The following NME7 variants were observed in gnomAD, a reference collection of about 807,000 sequenced individuals.
The protein encoded by NME7 is nucleoside diphosphate kinase 7.
A neutral mutation model predicts 49.1 loss-of-function variants in NME7; 41 were observed. The ratio of observed to expected loss-of-function variants is 0.83; its 90% CI spans 0.65 to 1.08. The LOEUF (loss-of-function observed/expected upper bound fraction) is 1.08, where lower values mean the gene tolerates loss of function less well. NME7 is among the 50% of genes least tolerant of loss of function. NME7 has a pLI of 0.00. For missense variants in NME7, 423 were observed against 463.4 expected (o/e 0.91, Z 0.80); for synonymous variants, 139 against 150.6 (o/e 0.92, Z 0.56).
rs569567741 is a variant in NME7 at position 169,309,538 on chromosome 1, G to T, written c.389+432C>A. On this transcript the variant is annotated intron_variant, in intron 4 of 11. Transcript: ENST00000367811. ...GCGATTCACCATCAATTGTGAAACT[G>T]GTGGAAGTTCACCACCAATTTCCAG... 9.7e-4 allele frequency among the ~76,000 whole-genome samples: 148 copies of T among 152,258 alleles called. 1 individual carries two copies. Among genetic ancestry groups the T allele is most frequent in the African/African-American group, 3.5e-3 (145 of 41,548 alleles).
At chr1:169,252,274 C>G (rs865846189) in intron 7 of NME7, among the ~76,000 whole-genome samples, 147 of 151,858 alleles carry the variant, frequency 9.7e-4, no homozygotes, top group South Asian at 3.8e-3. Context: ...GAGATGGTAT[C>G]TCATTGTGGT....
chr1:169,162,353 T>A (rs1271803875), intron 11 of NME7, among the ~76,000 whole-genome samples: 8 of 152,084 alleles, frequency 5.3e-5, no homozygotes. Context: ...CTTCTTAAAA[T>A]TTTATAATCA....
At chr1:169,243,619 G>C (rs1384054702) in intron 7 of NME7, among the ~76,000 whole-genome samples, 23 of 152,168 alleles carry the variant, frequency 1.5e-4, no homozygotes, top group Non-Finnish European at 1.5e-5. Context: ...AGAAGCTCCA[G>C]AGAGTTCTCT....
At chr1:169,175,779 G>C (rs1257232503) in intron 10 of NME7, among the ~76,000 whole-genome samples, 2 of 152,106 alleles carry the variant, frequency 1.3e-5, no homozygotes, top group African/African-American at 4.8e-5. Context: ...TGTTAGCAGT[G>C]ATATACATAT....
chr1:169,318,418 G>C (rs1651733126), intron 3 of NME7, among the ~76,000 whole-genome samples: 1 of 152,122 alleles, frequency 6.6e-6, no homozygotes, highest in Admixed American at 6.5e-5. Flanking sequence ...AGAGAAATAA[G>C]AGAGATCTAT....
intron 7 of NME7, among the ~76,000 whole-genome samples, chr1:169,250,979 T>C (rs947386243): frequency 2.0e-5 from 3 of 152,090 alleles, no homozygotes; most frequent in Non-Finnish European, 4.4e-5. Context: ...CGGCAAATAT[T>C]TGTCAGGTCC....
At chr1:169,354,086 T>A (rs994906487) in intron 1 of NME7, among the ~76,000 whole-genome samples, 2 of 152,134 alleles carry the variant, frequency 1.3e-5, no homozygotes, top group African/African-American at 4.8e-5. Context: ...AACAAAGAGT[T>A]ATCTGCACTC....
chr1:169,327,530 T>C (rs1331961763), intron 1 of NME7, among the ~76,000 whole-genome samples: 2 of 152,176 alleles, frequency 1.3e-5, no homozygotes, highest in Admixed American at 6.5e-5. Context: ...CCAGAAGCCT[T>C]AGTATCTTAA....
intron 7 of NME7, among the ~76,000 whole-genome samples, chr1:169,271,521 T>C (rs573524575): frequency 1.5e-5 from 2 of 133,574 alleles, no homozygotes; most frequent in East Asian, 4.0e-4. Flanking sequence ...ACGACTGCAT[T>C]GAAAGCTCTT....
chr1:169,323,648 T>C (rs891724193), intron 2 of NME7, among the ~76,000 whole-genome samples: 3 of 152,114 alleles, frequency 2.0e-5, no homozygotes, highest in African/African-American at 7.2e-5. Context: ...AAAGATCTAC[T>C]TGTTAAAATT....
At chr1:169,305,283 A>G (rs1251010685) in intron 4 of NME7, among the ~76,000 whole-genome samples, 1 of 151,850 alleles carries the variant, frequency 6.6e-6, no homozygotes, top group African/African-American at 2.4e-5. Context: ...TTGTGTTTTT[A>G]TGAAGAAACT....
chr1:169,152,807 C>G (rs1452109232), intron 11 of NME7, among the ~76,000 whole-genome samples: 1 of 152,082 alleles, frequency 6.6e-6, no homozygotes, highest in Admixed American at 6.5e-5. Context: ...AACTCTGCTG[C>G]TTGGTTAAAG....
intron 10 of NME7, among the ~76,000 whole-genome samples, chr1:169,212,777 G>GT (rs1489787650): frequency 1.3e-5 from 2 of 151,638 alleles, no homozygotes; most frequent in African/African-American, 4.8e-5. Flanking sequence ...CCCAGCTAAG[G>GT]TTTTTTTGTT....
At chr1:169,167,730 C>T (rs974009069) in intron 11 of NME7, among the ~76,000 whole-genome samples, 46 of 152,228 alleles carry the variant, frequency 3.0e-4, no homozygotes, top group Non-Finnish European at 1.9e-4. Flanking sequence ...CTCTCTGAGT[C>T]TCAATTTCAG....
chr1:169,279,613 G>A (rs1185015270), intron 7 of NME7, among the ~76,000 whole-genome samples: 1 of 152,228 alleles, frequency 6.6e-6, no homozygotes. Flanking sequence ...GACCAGGAAA[G>A]GGAACTCCCT....
rs535561797 is a variant in NME7, at chr1:169,277,162, T to G, written c.754+10141A>C. Reference sequence around the variant, plus strand: ...GGTGGTGCTGAAAATATGTATATTCTGTTGATTTGGGGTGGAGAGTTCTGT... The same window carrying G: ...GGTGGTGCTGAAAATATGTATATTCGGTTGATTTGGGGTGGAGAGTTCTGT... On this transcript the variant is annotated intron_variant, in intron 7 of 11. Coordinates refer to ENST00000367811, the MANE Select transcript of NME7 (RefSeq NM_013330.5). Among the ~76,000 whole-genome samples the G allele has an allele frequency of 6.0e-5, 9 of 150,366 alleles. 2 individuals are homozygous for G. The South Asian group carries it at 2.0e-3, about 33-fold the overall frequency.
chr1:169,190,644 G>A (rs973028991), intron 10 of NME7: 8 of 440,750 alleles, frequency 1.8e-5, no homozygotes, highest in African/African-American at 4.1e-5. Context: ...AATACTCACG[G>A]AACAGAGATG....
At chr1:169,354,493 A>C (rs1326214213) in intron 1 of NME7, among the ~76,000 whole-genome samples, 1 of 151,826 alleles carries the variant, frequency 6.6e-6, no homozygotes, top group African/African-American at 2.4e-5. Flanking sequence ...ATAATAATTT[A>C]ATTATACATT....
intron 1 of NME7, among the ~76,000 whole-genome samples, chr1:169,328,370 C>T (rs1234208515): frequency 6.6e-6 from 1 of 152,072 alleles, no homozygotes; most frequent in East Asian, 1.9e-4. Context: ...TTTCTGTTGC[C>T]TATGTCTCCC....
Sources: allele counts gnomAD v4.1 joint callset (sites outside exome capture counted in the v4.1 genomes callset), GRCh38; gene constraint gnomAD v4.1.1; transcripts MANE v1.5; gene names NCBI Gene and HGNC (gene_info 2026-07-23, HGNC 2026-07-21).